KCNMA1: variants seen among roughly 807,000 people sequenced by gnomAD.
The protein encoded by KCNMA1 is Calcium-activated potassium channel subunit alpha-1.
A neutral mutation model predicts 140.0 loss-of-function variants in KCNMA1; 29 were observed. The observed-to-expected ratio is 0.21, with a 90% CI of 0.15 to 0.28. The LOEUF (loss-of-function observed/expected upper bound fraction) is 0.28, where lower values mean the gene tolerates loss of function less well. Among genes scored for constraint, KCNMA1 ranks in the 10% least tolerant of loss-of-function variants. The pLI is 1.00. For synonymous variants in KCNMA1, 612 were observed against 611.9 expected, an observed-to-expected ratio of 1.00 and a Z score of 0.00; for missense variants, 880 against 1,602.2, an observed-to-expected ratio of 0.55 and a Z score of 7.70.
chr10:77,033,492 C>G (rs2094099653), intron 15 of KCNMA1, among the ~76,000 whole-genome samples: 1 of 152,016 alleles, frequency 6.6e-6, no homozygotes, highest in Admixed American at 6.6e-5. Context: ...TCTCCACTAG[C>G]ACACCTAAGA....
chr10:76,877,139 A>T (rs2032536734), downstream of KCNMA1: 1 of 152,742 alleles, frequency 6.5e-6, no homozygotes. Context: ...CAACTGTGAA[A>T]ATAAATAAGT....
In KCNMA1 at chr10:77,120,284, C is replaced by T. The variant is rs80306341; in HGVS notation, c.884+689G>A. Reference sequence around the variant, plus strand: ...GTTTCAGGCCAGCTCTGCAAGCCGGCAGGTCATCAGGAAAGGGATCCTCTG... The same window carrying T: ...GTTTCAGGCCAGCTCTGCAAGCCGGTAGGTCATCAGGAAAGGGATCCTCTG... On this transcript the variant is annotated intron_variant, in intron 6 of 27. Transcript: ENST00000286628. Among the ~76,000 whole-genome samples, 9 of 152,252 alleles carry T rather than the reference C, an allele frequency of 5.9e-5. No individual in the cohort carries two copies. The East Asian group carries it at 1.7e-3, about 29-fold the overall frequency.
In KCNMA1 at chr10:76,885,245, A is replaced by G; in HGVS notation, c.*2021T>C. The G allele has an allele frequency of 6.1e-6, 3 of 488,432 alleles. No individual in the cohort carries two copies. The highest frequency in any genetic ancestry group is 8.0e-6 in the Non-Finnish European group (3 of 376,730). The allele number at this position is 488,432 out of a possible 1,614,324, so 30.3% of individuals were successfully genotyped here. A position where few individuals can be genotyped will look rare whatever the true frequency, so the allele number is the denominator to read the frequency against. ...TATATATATAATTATATAGTTATAT[A>G]TATATAATTATATATAGTTTATATA... On this transcript the variant is annotated 3_prime_UTR_variant, in exon 28 of 28. Transcript: ENST00000286628.
chr10:77,155,387 C>T (rs923082075), intron 5 of KCNMA1, among the ~76,000 whole-genome samples: 7 of 152,200 alleles, frequency 4.6e-5, no homozygotes, highest in Non-Finnish European at 8.8e-5. Context: ...ACCTTACATG[C>T]GGTGGCCATG....
At chr10:77,136,519 ATAAT>A (rs1278227069) in intron 5 of KCNMA1, among the ~76,000 whole-genome samples, 2 of 152,154 alleles carry the variant, frequency 1.3e-5, no homozygotes, top group African/African-American at 4.8e-5. Flanking sequence ...TACACTAAAA[ATAAT>A]TAAAATGGTA....
At position 77,331,123 on chromosome 10, in the gene KCNMA1, G is replaced by A. The variant is rs2086238789; in HGVS notation, c.540+72739C>T. On this transcript the variant is annotated intron_variant, in intron 2 of 27. Coordinates refer to ENST00000286628, the MANE Select transcript of KCNMA1 (RefSeq NM_001161352.2). ...CCCCCCATGTACCTGCCAGCCACAT[G>A]CCTGAACAGCAGAGAGAGAGCTCAA... is the stretch of plus-strand genomic sequence containing the variant. Among the ~76,000 whole-genome samples the A allele has an allele frequency of 3.0e-5, 3 of 98,882 alleles. No individual in the cohort carries two copies. In the South Asian group the frequency reaches 9.7e-4, roughly 32 times the overall value. 64.9% of individuals were successfully genotyped at this position (98,882 alleles called of 152,430 possible).
At chr10:77,438,850 G>A (rs2154505930) in intron 1 of KCNMA1, among the ~76,000 whole-genome samples, 1 of 152,248 alleles carries the variant, frequency 6.6e-6, no homozygotes, top group South Asian at 2.1e-4. Context: ...GCCAAGACGG[G>A]TGGATCACCT....
chr10:77,109,018 GA>G (rs2097258286), intron 8 of KCNMA1, among the ~76,000 whole-genome samples: 1 of 140,336 alleles, frequency 7.1e-6, no homozygotes, highest in African/African-American at 2.6e-5. Flanking sequence ...AGTGACAAAA[GA>G]AAATAAACAC....
intron 3 of KCNMA1, among the ~76,000 whole-genome samples, chr10:77,191,127 T>A (rs2098935006): frequency 6.6e-6 from 1 of 152,154 alleles, no homozygotes. Flanking sequence ...CCTCTGGATA[T>A]CCTGGATAAA....
intron 1 of KCNMA1, among the ~76,000 whole-genome samples, chr10:77,508,315 C>T (rs1440848530): frequency 6.6e-6 from 1 of 150,912 alleles, no homozygotes; most frequent in Non-Finnish European, 1.5e-5. Flanking sequence ...GCTGGGACTA[C>T]AGATACGCAT....
chr10:77,138,571 C>A (rs761110075), intron 5 of KCNMA1, among the ~76,000 whole-genome samples: 1 of 152,170 alleles, frequency 6.6e-6, no homozygotes, highest in Non-Finnish European at 1.5e-5. Context: ...TCCCCCCAGG[C>A]CCCACCAGCA....
chr10:77,539,003 C>T (rs150176421), intron 1 of KCNMA1, among the ~76,000 whole-genome samples: 1 of 152,318 alleles, frequency 6.6e-6, no homozygotes, highest in African/African-American at 2.4e-5. Context: ...ATGTCACCAC[C>T]CACGGTCCTA....
chr10:77,637,209 G>T (rs1056195997), intron 1 of KCNMA1, 56 bp downstream of exon 1: 2 of 1,484,696 alleles, frequency 1.3e-6, no homozygotes, highest in Admixed American at 1.9e-5. Flanking sequence ...GGCTGCAGGG[G>T]ACGCCGAGAA....
At chr10:77,589,321 T>C (rs1024570416) in intron 1 of KCNMA1, among the ~76,000 whole-genome samples, 2 of 152,078 alleles carry the variant, frequency 1.3e-5, no homozygotes, top group African/African-American at 4.8e-5. Context: ...GTTAAAACGA[T>C]GGGGCTGAAT....
intron 3 of KCNMA1, among the ~76,000 whole-genome samples, chr10:77,208,290 G>T (rs927326721): frequency 6.6e-6 from 1 of 152,132 alleles, no homozygotes; most frequent in Non-Finnish European, 1.5e-5. Context: ...TATTCTAGGG[G>T]CCACCTTCCA....
At chr10:77,465,065 AAC>A (rs560892477) in intron 1 of KCNMA1, among the ~76,000 whole-genome samples, 2 of 152,208 alleles carry the variant, frequency 1.3e-5, no homozygotes, top group East Asian at 3.9e-4. Flanking sequence ...CCCAAAATAA[AAC>A]ACACACACAC....
At chr10:77,539,488 C>A (rs1310505735) in intron 1 of KCNMA1, among the ~76,000 whole-genome samples, 1 of 152,206 alleles carries the variant, frequency 6.6e-6, no homozygotes, top group Non-Finnish European at 1.5e-5. Flanking sequence ...GGGACCGAAA[C>A]TCTATCCTCT....
In KCNMA1 at chr10:77,400,274, C is replaced by T. The variant is rs140067083; in HGVS notation, c.540+3588G>A. Among the ~76,000 whole-genome samples, 285 of 152,354 alleles carry T rather than the reference C, an allele frequency of 1.9e-3. 3 individuals are homozygous for T. The highest frequency in any genetic ancestry group is 6.8e-3 in the Middle Eastern group (2 of 294). The stretch of plus-strand genomic sequence containing the variant: ...GGATACCGCCTGGAGCTCTGAGATG[C>T]CTGCTTTCTGTGCAGCAGGTCCCAC... On this transcript the variant is annotated intron_variant, in intron 2 of 27. Coordinates refer to ENST00000286628, the MANE Select transcript of KCNMA1 (RefSeq NM_001161352.2).
intron 1 of KCNMA1, among the ~76,000 whole-genome samples, chr10:77,425,652 G>A (rs1341189355): frequency 6.6e-6 from 1 of 152,178 alleles, no homozygotes; most frequent in Non-Finnish European, 1.5e-5. Flanking sequence ...CAGGTGGCAG[G>A]ACTTCTGCTG....
Sources: gnomAD v4.1 joint callset for allele counts (sites outside exome capture counted in the v4.1 genomes callset) on GRCh38, gnomAD v4.1.1 for gene constraint, MANE v1.5 for transcripts, NCBI Gene and HGNC (gene_info 2026-07-23, HGNC 2026-07-21) for gene names.